LRRC3C: variants seen among roughly 807,000 people sequenced by gnomAD.
LRRC3C encodes the protein leucine rich repeat containing 3C.
In LRRC3C, 11 loss-of-function variants were observed where a neutral mutation model predicts 14.8. The ratio of observed to expected loss-of-function variants is 0.74; its 90% CI spans 0.47 to 1.23. The LOEUF is 1.23. LRRC3C is among the 50% of genes most tolerant of loss of function. The probability of loss-of-function intolerance (pLI) is 0.00; values close to 1 mark genes in which losing one functional copy is unlikely to be tolerated. For missense variants in LRRC3C, 354 were observed against 361.8 expected, an observed-to-expected ratio of 0.98 and a Z score of 0.18; for synonymous variants, 149 against 161.5, an observed-to-expected ratio of 0.92 and a Z score of 0.59.
rs1979040356 is a variant in LRRC3C, at chr17:39,944,640, G to A, written c.734G>A (p.Trp245Ter). 5.9e-6 allele frequency: 9 copies of A among 1,535,886 alleles called. No homozygotes were observed. The highest frequency in any genetic ancestry group is 7.8e-6 in the Non-Finnish European group (9 of 1,146,876). The part of the protein sequence containing the change: ...LMVAYLVHYV[W>*]QNRDETRRSL... Reference sequence around the variant, plus strand: ...GTGGCTTATCTGGTGCATTATGTGTGGCAGAACCGAGATGAGACCAGGCGC... The same window carrying A: ...GTGGCTTATCTGGTGCATTATGTGTAGCAGAACCGAGATGAGACCAGGCGC... Residue 245 changes from tryptophan (W) to a stop codon, truncating the protein, a stop_gained, in exon 4 of 4, where the codon TGG (tryptophan) becomes TAG (stop). Coordinates refer to ENST00000377924, the MANE Select transcript of LRRC3C (RefSeq NM_001195545.2). LOFTEE classifies it high-confidence loss of function.
chr17:39,941,777 T>TCTGG (rs1220041711), intron 3 of LRRC3C, among the ~76,000 whole-genome samples: 1 of 152,176 alleles, frequency 6.6e-6, no homozygotes, highest in Non-Finnish European at 1.5e-5. Flanking sequence ...AAAACTGGGC[T>TCTGG]CTGGTCTTTG....
chr17:39,936,229 AG>A (rs1057194929), intron 2 of LRRC3C, among the ~76,000 whole-genome samples: 2 of 152,336 alleles, frequency 1.3e-5, no homozygotes, highest in Middle Eastern at 3.4e-3. Context: ...TCAGGCTAGA[AG>A]GGATCTCAGA....
At chr17:39,937,417 C>T (rs1978828734) in intron 2 of LRRC3C, among the ~76,000 whole-genome samples, 1 of 152,094 alleles carries the variant, frequency 6.6e-6, no homozygotes, top group Non-Finnish European at 1.5e-5. Context: ...GCCTGGGCAA[C>T]AAGAGTGAAA....
At position 39,939,614 on chromosome 17, in the gene LRRC3C, A is replaced by T. The variant is rs115441263; in HGVS notation, c.-81-1829A>T. On this transcript the variant is annotated intron_variant, in intron 2 of 3. Transcript: ENST00000377924. The stretch of plus-strand genomic sequence containing the variant: ...CTGCCATAGACCCAGCACCTTAAGA[A>T]CCCTGTCTATGTCCCCTTCAACTAG... 725 of 155,290 alleles carry T rather than the reference A, an allele frequency of 4.7e-3. 7 individuals are homozygous for T. The highest frequency in any genetic ancestry group is 0.017 in the African/African-American group (702 of 41,624). The allele number at this position is 155,290 out of a possible 1,614,324, so 9.6% of individuals were successfully genotyped here.
chr17:39,931,958 TCTA>T (rs1568116457), intron 1 of LRRC3C, among the ~76,000 whole-genome samples: 1 of 152,166 alleles, frequency 6.6e-6, no homozygotes, highest in Non-Finnish European at 1.5e-5. Flanking sequence ...GGCTATTTTC[TCTA>T]CTTTTTTAAT....
At chr17:39,942,514 A>G (rs1283667943) in intron 3 of LRRC3C, among the ~76,000 whole-genome samples, 7 of 129,468 alleles carry the variant, frequency 5.4e-5, no homozygotes. Context: ...TCTCATCCAG[A>G]TCATAAAATC....
chr17:39,935,398 T>C (rs575662409), intron 1 of LRRC3C, among the ~76,000 whole-genome samples: 13 of 152,082 alleles, frequency 8.5e-5, no homozygotes, highest in African/African-American at 3.1e-4. Context: ...AGCCTTCCCT[T>C]AGGTGATCGG....
In LRRC3C at chr17:39,933,025, C is replaced by T. The variant is rs573187655; in HGVS notation, c.-174-2777C>T. Among the ~76,000 whole-genome samples the T allele has an allele frequency of 2.6e-5, 4 of 151,888 alleles. No homozygotes were observed. The South Asian group carries it at 8.3e-4, about 32-fold the overall frequency. ...AGAGATGGCGCCATTTTACTCCAGC[C>T]TGGGCAACAAGAGTGGAACTTTGTC... On this transcript the variant is annotated intron_variant, in intron 1 of 3. Coordinates refer to ENST00000377924, the MANE Select transcript of LRRC3C (RefSeq NM_001195545.2).
Position 39,944,114 on chromosome 17 carries a change from C to T in LRRC3C, c.208C>T (p.Leu70Phe), listed in dbSNP as rs1484200797. Residue 70 changes from leucine to phenylalanine, a missense_variant, in exon 4 of 4, where the codon CTC becomes TTC. By Grantham distance (22) the Leu-to-Phe change is conservative. Coordinates refer to ENST00000377924, the MANE Select transcript of LRRC3C (RefSeq NM_001195545.2). Reference protein sequence around the residue: ...ERTFRCSQAGLSAVPSGIPND... With the variant: ...ERTFRCSQAGFSAVPSGIPND... Reference sequence around the variant, plus strand: ...GACGTTCCGCTGCAGCCAGGCAGGCCTCAGTGCTGTGCCCTCCGGCATCCC... The same window carrying T: ...GACGTTCCGCTGCAGCCAGGCAGGCTTCAGTGCTGTGCCCTCCGGCATCCC... 6.5e-7 allele frequency: 1 copy of T among 1,536,216 alleles called. No individual in the cohort carries two copies.
chr17:39,935,593 C>T lies in LRRC3C; in HGVS notation c.-174-209C>T, dbSNP rs1350858093. Among the ~76,000 whole-genome samples the T allele has an allele frequency of 2.0e-5, 3 of 151,856 alleles. No individual in the cohort carries two copies. In the East Asian group the frequency reaches 5.9e-4, roughly 30 times the overall value. On this transcript the variant is annotated intron_variant, in intron 1 of 3. Coordinates refer to ENST00000377924, the MANE Select transcript of LRRC3C (RefSeq NM_001195545.2). ...GCTTGAACCCAGGAGGTTGAGGCTGCAAGTGAGCTGTGATCATGCCACTGT... is the reference window on the plus strand; with the variant it reads ...GCTTGAACCCAGGAGGTTGAGGCTGTAAGTGAGCTGTGATCATGCCACTGT...
At position 39,927,789 on chromosome 17, in the gene LRRC3C, T is replaced by A; in HGVS notation, c.-200T>A. The A allele has an allele frequency of 1.0e-6, 1 of 985,494 alleles. No homozygotes were observed. Among genetic ancestry groups the A allele is most frequent in the Non-Finnish European group, 1.2e-6 (1 of 829,948 alleles). 61.0% of individuals were successfully genotyped at this position (985,494 alleles called of 1,614,324 possible). A position where few individuals can be genotyped will look rare whatever the true frequency, so the allele number is the denominator to read the frequency against. ...GGTTGGAAGTTGTACCGTGACGTGA[T>A]GGTCAGATCGGATGATAGAATTTTG... On this transcript the variant is annotated 5_prime_UTR_variant, in exon 1 of 4. An upstream start codon of the reference 5' UTR is lost. Coordinates refer to ENST00000377924, the MANE Select transcript of LRRC3C (RefSeq NM_001195545.2).
intron 1 of LRRC3C, among the ~76,000 whole-genome samples, chr17:39,931,735 C>T (rs1336957729): frequency 2.1e-5 from 3 of 145,396 alleles, no homozygotes; most frequent in East Asian, 2.1e-4. Context: ...CTGCAACCTC[C>T]GCCTCCCTAG....
chr17:39,929,189 G>A (rs1486123542), intron 1 of LRRC3C: 1 of 151,996 alleles, frequency 6.6e-6, no homozygotes, highest in Non-Finnish European at 1.5e-5. Flanking sequence ...TTTTTCTCTG[G>A]GATTCTTCAT....
At chr17:39,928,063 G>A (rs1978536308) in intron 1 of LRRC3C, among the ~76,000 whole-genome samples, 1 of 152,250 alleles carries the variant, frequency 6.6e-6, no homozygotes, top group Non-Finnish European at 1.5e-5. Context: ...GCCCTGCTGG[G>A]CCCTCCTGGG....
chr17:39,944,097 G>A lies in LRRC3C; in HGVS notation c.191G>A (p.Arg64His), dbSNP rs1979011978. 14 of 1,535,962 alleles carry A rather than the reference G, an allele frequency of 9.1e-6. No individual in the cohort carries two copies. Among genetic ancestry groups the A allele is most frequent in the African/African-American group, 2.7e-5 (2 of 73,028 alleles). Residue 64 changes from arginine (R) to histidine (H), a missense_variant, in exon 4 of 4, where the codon CGC becomes CAC. Coordinates refer to ENST00000377924, the MANE Select transcript of LRRC3C (RefSeq NM_001195545.2). ...AAGGAAGCAGGTGAACGGACGTTCC[G>A]CTGCAGCCAGGCAGGCCTCAGTGCT... ...VAKEAGERTF[R>H]CSQAGLSAVP... is the part of the protein sequence containing the mutation.
chr17:39,941,282 C>A (rs1489124576), intron 2 of LRRC3C, among the ~76,000 whole-genome samples, 161 bp from the exon 3 acceptor site: 1 of 146,070 alleles, frequency 6.8e-6, no homozygotes, highest in Non-Finnish European at 1.5e-5. Flanking sequence ...ACCTGGGAGG[C>A]AGAGGTTGCA....
intron 1 of LRRC3C, among the ~76,000 whole-genome samples, chr17:39,933,821 C>A (rs370795273): frequency 6.6e-6 from 1 of 152,232 alleles, no homozygotes; most frequent in Non-Finnish European, 1.5e-5. Context: ...CCTCCTCCCC[C>A]ACCTGCTTCC....
At chr17:39,933,470 C>T (rs1568116987) in intron 1 of LRRC3C, among the ~76,000 whole-genome samples, 1 of 152,264 alleles carries the variant, frequency 6.6e-6, no homozygotes. Flanking sequence ...TGCGATGGCT[C>T]ACGCCTGTAA....
At chr17:39,928,744 G>A (rs1481343299) in intron 1 of LRRC3C, among the ~76,000 whole-genome samples, 1 of 152,234 alleles carries the variant, frequency 6.6e-6, no homozygotes, top group East Asian at 1.9e-4. Context: ...GAAAGTGAGG[G>A]AACAGGAAGG....
Sources: gnomAD v4.1 joint callset for allele counts (sites outside exome capture counted in the v4.1 genomes callset) on GRCh38, gnomAD v4.1.1 for gene constraint, MANE v1.5 for transcripts, NCBI Gene and HGNC (gene_info 2026-07-23, HGNC 2026-07-21) for gene names.